Variants in MLLT3 observed in about 807,000 individuals in gnomAD.
MLLT3 encodes MLLT3 super elongation complex subunit.
A neutral mutation model predicts 53.2 loss-of-function variants in MLLT3; 4 were observed. The ratio of observed to expected loss-of-function variants is 0.08; its 90% CI spans 0.04 to 0.17. The LOEUF (loss-of-function observed/expected upper bound fraction) is 0.17. MLLT3 is among the 10% of genes least tolerant of loss of function. The pLI is 1.00. For synonymous variants in MLLT3, 283 were observed against 230.6 expected, an observed-to-expected ratio of 1.23 and a Z score of -2.06; for missense variants, 569 against 684.0, an observed-to-expected ratio of 0.83 and a Z score of 1.87.
intron 2 of MLLT3, among the ~76,000 whole-genome samples, chr9:20,500,529 G>T (rs1274479355): frequency 6.6e-6 from 1 of 152,152 alleles, no homozygotes; most frequent in Admixed American, 6.5e-5. Context: ...GAGCATGTGG[G>T]TGAAAGATAA....
chr9:20,378,389 C>A (rs867029528), intron 5 of MLLT3, among the ~76,000 whole-genome samples: 2 of 151,980 alleles, frequency 1.3e-5, no homozygotes, highest in Non-Finnish European at 2.9e-5. Context: ...TTATAACTCA[C>A]ACAGAGAGCA....
intron 2 of MLLT3, among the ~76,000 whole-genome samples, chr9:20,579,917 A>T (rs1028956082): frequency 6.6e-6 from 1 of 152,176 alleles, no homozygotes; most frequent in South Asian, 2.1e-4. Flanking sequence ...TTCAGACCCT[A>T]AAGTAGACCC....
intron 5 of MLLT3, among the ~76,000 whole-genome samples, chr9:20,381,582 C>A (rs918102229): frequency 6.6e-6 from 1 of 151,766 alleles, no homozygotes; most frequent in Non-Finnish European, 1.5e-5. Context: ...AACTATTAAA[C>A]AAGTTAAAAA....
At chr9:20,491,385 C>T (rs1001056540) in intron 2 of MLLT3, among the ~76,000 whole-genome samples, 1 of 151,944 alleles carries the variant, frequency 6.6e-6, no homozygotes, top group East Asian at 1.9e-4. Context: ...CAGTACCACA[C>T]TATTTAGAGG....
intron 4 of MLLT3, among the ~76,000 whole-genome samples, chr9:20,433,728 G>A (rs1189373254): frequency 6.6e-6 from 1 of 151,948 alleles, no homozygotes; most frequent in African/African-American, 2.4e-5. Context: ...TGAAAGTCAA[G>A]GAAAGACCAA....
intron 2 of MLLT3, among the ~76,000 whole-genome samples, chr9:20,464,641 G>C (rs1824190490): frequency 6.6e-6 from 1 of 151,952 alleles, no homozygotes; most frequent in Non-Finnish European, 1.5e-5. Flanking sequence ...TGGCATTTAA[G>C]TTGAGACCTG....
chr9:20,571,168 T>C (rs1477832649), intron 2 of MLLT3, among the ~76,000 whole-genome samples: 2 of 152,264 alleles, frequency 1.3e-5, no homozygotes, highest in African/African-American at 4.8e-5. Context: ...TTTCATATAA[T>C]GCTGCAGGTG....
intron 10 of MLLT3, among the ~76,000 whole-genome samples, chr9:20,351,609 G>A (rs10964543): frequency 0.063 from 9,521 of 152,230 alleles, 663 homozygotes; most frequent in East Asian, 0.35. Context: ...GTTATTAACC[G>A]CTTTTTGTGA....
intron 2 of MLLT3, among the ~76,000 whole-genome samples, chr9:20,603,906 G>A (rs1310047224): frequency 6.6e-6 from 1 of 152,050 alleles, no homozygotes; most frequent in Non-Finnish European, 1.5e-5. Context: ...TTGATTACAT[G>A]AAAATCTTAA....
intron 2 of MLLT3, among the ~76,000 whole-genome samples, chr9:20,581,612 C>G (rs1819794467): frequency 6.6e-6 from 1 of 152,092 alleles, no homozygotes; most frequent in Admixed American, 6.6e-5. Flanking sequence ...AAATATTCAA[C>G]CTGTTTAGGC....
chr9:20,459,529 G>A (rs771869145), intron 2 of MLLT3, among the ~76,000 whole-genome samples: 3 of 152,184 alleles, frequency 2.0e-5, no homozygotes, highest in Non-Finnish European at 2.9e-5. Flanking sequence ...GTGTCAGGTT[G>A]CTTGGGATTA....
chr9:20,359,247 T>A (rs1215771021), intron 8 of MLLT3, among the ~76,000 whole-genome samples: 1 of 150,826 alleles, frequency 6.6e-6, no homozygotes, highest in Admixed American at 6.6e-5. Flanking sequence ...GGATCCCAAA[T>A]TTTCTAGTTA....
At chr9:20,540,333 C>T (rs1183817075) in intron 2 of MLLT3, among the ~76,000 whole-genome samples, 3 of 152,264 alleles carry the variant, frequency 2.0e-5, no homozygotes, top group East Asian at 1.9e-4. Context: ...ACCTCCTGCA[C>T]TGCCCTAGTA....
intron 5 of MLLT3, among the ~76,000 whole-genome samples, chr9:20,402,104 C>T (rs1363921922): frequency 6.6e-6 from 1 of 152,148 alleles, no homozygotes; most frequent in African/African-American, 2.4e-5. Flanking sequence ...AAAGGAGACT[C>T]ACACAGAGTG....
At chr9:20,544,512 A>G (rs1818733644) in intron 2 of MLLT3, among the ~76,000 whole-genome samples, 1 of 152,242 alleles carries the variant, frequency 6.6e-6, no homozygotes. Context: ...TTATCAGGGA[A>G]TGCAAATGAA....
At chr9:20,526,125 T>C (rs558214858) in intron 2 of MLLT3, among the ~76,000 whole-genome samples, 2 of 152,350 alleles carry the variant, frequency 1.3e-5, no homozygotes, top group South Asian at 2.1e-4. Flanking sequence ...GATGTGTTCA[T>C]TAGGCACCCA....
At chr9:20,543,951 C>T (rs1378667754) in intron 2 of MLLT3, among the ~76,000 whole-genome samples, 1 of 110,930 alleles carries the variant, frequency 9.0e-6, no homozygotes, top group Non-Finnish European at 1.9e-5. Context: ...CACAATAAAA[C>T]AAGATTCCCC....
chr9:20,616,628 T>A (rs974626544), intron 2 of MLLT3, among the ~76,000 whole-genome samples: 1 of 152,184 alleles, frequency 6.6e-6, no homozygotes, highest in Non-Finnish European at 1.5e-5. Context: ...CGTATACTTA[T>A]CTGCACAAGC....
intron 2 of MLLT3, among the ~76,000 whole-genome samples, chr9:20,596,460 C>A (rs1317997724): frequency 1.3e-5 from 2 of 152,194 alleles, no homozygotes; most frequent in Non-Finnish European, 2.9e-5. Context: ...GAGGCCAAGG[C>A]AGGCGGATCA....
Sources: gnomAD v4.1 joint callset for allele counts (sites outside exome capture counted in the v4.1 genomes callset) on GRCh38, gnomAD v4.1.1 for gene constraint, MANE v1.5 for transcripts, NCBI Gene and HGNC (gene_info 2026-07-23, HGNC 2026-07-21) for gene names.